Variants in GATAD2B observed in about 807,000 individuals in gnomAD.
The protein encoded by GATAD2B is GATA zinc finger domain containing 2B, also known as transcriptional repressor p66-beta.
GATAD2B carries 8 observed loss-of-function variants against 64.3 expected under a neutral mutation model. The ratio of observed to expected loss-of-function variants is 0.12; its 90% CI spans 0.07 to 0.22. The LOEUF (loss-of-function observed/expected upper bound fraction) is 0.22, where lower values mean the gene tolerates loss of function less well. GATAD2B is among the 10% of genes least tolerant of loss of function. The pLI is 1.00. For synonymous variants in GATAD2B, 281 were observed against 271.3 expected, an observed-to-expected ratio of 1.04 and a Z score of -0.35; for missense variants, 453 against 752.0, an observed-to-expected ratio of 0.60 and a Z score of 4.65.
chr1:153,898,306 CAAAAA>C (rs11373311), intron 1 of GATAD2B, among the ~76,000 whole-genome samples: 1 of 80,790 alleles, frequency 1.2e-5, no homozygotes, highest in Admixed American at 1.3e-4. Flanking sequence ...CAGCCTGTCT[CAAAAA>C]AAAAAAAAAA....
intron 1 of GATAD2B, among the ~76,000 whole-genome samples, chr1:153,857,361 G>A (rs925152725): frequency 1.3e-5 from 2 of 151,900 alleles, no homozygotes; most frequent in Admixed American, 6.6e-5. Context: ...CAGGAAAATC[G>A]CTTGAACCCG....
chr1:153,817,587 T>C, intron 5 of GATAD2B, 45 bp from the exon 6 acceptor site: 2 of 1,446,604 alleles, frequency 1.4e-6, no homozygotes, highest in Non-Finnish European at 1.9e-6. Flanking sequence ...GGTTGTACGC[T>C]GTGTATAATA....
intron 1 of GATAD2B, among the ~76,000 whole-genome samples, chr1:153,906,065 CAAA>C (rs142513068): frequency 6.7e-5 from 5 of 74,860 alleles, no homozygotes; most frequent in African/African-American, 1.0e-4. Flanking sequence ...GGTTCCCTCT[CAAA>C]AAAAAAAAAA....
At chr1:153,907,951 T>C (rs1007006039) in intron 1 of GATAD2B, among the ~76,000 whole-genome samples, 1 of 152,116 alleles carries the variant, frequency 6.6e-6, no homozygotes, top group African/African-American at 2.4e-5. Flanking sequence ...ATTACAGGCA[T>C]GCGCCACCAC....
intron 1 of GATAD2B, among the ~76,000 whole-genome samples, chr1:153,909,446 C>T (rs1328088274): frequency 1.3e-5 from 2 of 151,618 alleles, no homozygotes; most frequent in Non-Finnish European, 2.9e-5. Flanking sequence ...ATGATCCACC[C>T]GCCTTGGCCT....
intron 1 of GATAD2B, among the ~76,000 whole-genome samples, chr1:153,861,809 T>TATATATAA (rs1294838675): frequency 1.6e-5 from 2 of 122,192 alleles, no homozygotes; most frequent in African/African-American, 3.0e-5. Flanking sequence ...TATATATATA[T>TATATATAA]ACACATATGT....
intron 2 of GATAD2B, among the ~76,000 whole-genome samples, chr1:153,823,142 T>C (rs921958255): frequency 6.6e-6 from 1 of 152,214 alleles, no homozygotes; most frequent in Non-Finnish European, 1.5e-5. Context: ...TTGTTAAACA[T>C]TCCAAGAGAG....
chr1:153,838,643 G>C (rs1675361476), intron 1 of GATAD2B, among the ~76,000 whole-genome samples: 1 of 152,110 alleles, frequency 6.6e-6, no homozygotes, highest in Admixed American at 6.6e-5. Flanking sequence ...TGGAACTACA[G>C]ATGCGAGCCA....
chr1:153,827,737 C>G (rs1038692983), intron 2 of GATAD2B: 15 of 461,546 alleles, frequency 3.2e-5, no homozygotes, highest in Non-Finnish European at 4.9e-5. Context: ...TATTAACTCA[C>G]TTCCATTTGG....
At chr1:153,909,247 T>C (rs1678044199) in intron 1 of GATAD2B, among the ~76,000 whole-genome samples, 1 of 151,864 alleles carries the variant, frequency 6.6e-6, no homozygotes, top group African/African-American at 2.4e-5. Context: ...GGAGTCTTGC[T>C]CTGTCGCCCA....
intron 1 of GATAD2B, among the ~76,000 whole-genome samples, chr1:153,905,772 C>A (rs7522102): frequency 0.96 from 137,518 of 142,676 alleles, 66,471 homozygotes; most frequent in Non-Finnish European, 1. Context: ...GTCTCTCAAA[C>A]AAAAAAAAAA....
At chr1:153,887,822 C>T (rs1012991445) in intron 1 of GATAD2B, among the ~76,000 whole-genome samples, 1 of 152,054 alleles carries the variant, frequency 6.6e-6, no homozygotes, top group Non-Finnish European at 1.5e-5. Context: ...TGTGGTGGTT[C>T]ATGCCTGTAA....
chr1:153,886,758 A>T (rs912959320), intron 1 of GATAD2B, among the ~76,000 whole-genome samples: 5 of 150,770 alleles, frequency 3.3e-5, no homozygotes, highest in Non-Finnish European at 7.4e-5. Flanking sequence ...ACGGGGTTTC[A>T]CTGTGTTAGC....
intron 1 of GATAD2B, among the ~76,000 whole-genome samples, chr1:153,886,902 A>G (rs1342963367): frequency 1.3e-4 from 20 of 152,012 alleles, no homozygotes. Context: ...ATGCTGAAAC[A>G]TGGCTAAATG....
intron 1 of GATAD2B, among the ~76,000 whole-genome samples, chr1:153,846,529 T>A (rs1397957440): frequency 2.6e-5 from 4 of 151,010 alleles, no homozygotes; most frequent in African/African-American, 9.7e-5. Flanking sequence ...TTAGCCACCG[T>A]GTCCAACCCC....
intron 1 of GATAD2B, among the ~76,000 whole-genome samples, chr1:153,892,666 C>A (rs553063658): frequency 6.7e-6 from 1 of 149,322 alleles, no homozygotes; most frequent in East Asian, 2.0e-4. Flanking sequence ...CAACATTAGA[C>A]AGTATCCAGT....
chr1:153,889,769 T>C, intron 1 of GATAD2B: 1 of 203,808 alleles, frequency 4.9e-6, no homozygotes. Flanking sequence ...AAGCTTGTGG[T>C]GGGCACATGA....
intron 1 of GATAD2B, among the ~76,000 whole-genome samples, chr1:153,877,091 T>C (rs148943246): frequency 5.5e-4 from 83 of 152,058 alleles, no homozygotes; most frequent in Admixed American, 8.5e-4. Context: ...TCCCAGCACT[T>C]TGGGGGGCTA....
chr1:153,913,349 A>G (rs1678163614), intron 1 of GATAD2B, among the ~76,000 whole-genome samples: 1 of 152,198 alleles, frequency 6.6e-6, no homozygotes, highest in Non-Finnish European at 1.5e-5. Flanking sequence ...GCCTGTCTGC[A>G]TGCCTCACAG....
Sources: allele counts gnomAD v4.1 joint callset (sites outside exome capture counted in the v4.1 genomes callset), GRCh38; gene constraint gnomAD v4.1.1; transcripts MANE v1.5; gene names NCBI Gene and HGNC (gene_info 2026-07-23, HGNC 2026-07-21).